DPYD: variants seen among roughly 807,000 people sequenced by gnomAD.
The protein encoded by DPYD is dihydropyrimidine dehydrogenase [NADP(+)].
DPYD carries 109 observed loss-of-function variants against 116.2 expected under a neutral mutation model. That is an observed-to-expected ratio of 0.94 (90% CI 0.80 to 1.10). DPYD has a LOEUF of 1.10. Ranked by LOEUF, DPYD falls within the 50% of genes least tolerant of loss-of-function variation. The pLI is 0.00. For missense variants in DPYD, 1,302 were observed against 1,254.5 expected (o/e 1.04, Z -0.57); for synonymous variants, 440 against 432.0 (o/e 1.02, Z -0.23).
intron 1 of DPYD, among the ~76,000 whole-genome samples, chr1:97,920,329 T>C (rs1484277434): frequency 6.6e-6 from 1 of 152,200 alleles, no homozygotes; most frequent in Non-Finnish European, 1.5e-5. Flanking sequence ...TTTTTCATGT[T>C]CTGAATACTT....
chr1:97,422,199 G>A (rs185416817), intron 14 of DPYD, among the ~76,000 whole-genome samples: 1 of 152,142 alleles, frequency 6.6e-6, no homozygotes, highest in East Asian at 1.9e-4. Flanking sequence ...TATTAATATA[G>A]GTAGCAATAT....
At chr1:97,624,230 G>C (rs1656794353) in intron 8 of DPYD, among the ~76,000 whole-genome samples, 1 of 151,962 alleles carries the variant, frequency 6.6e-6, no homozygotes, top group African/African-American at 2.4e-5. Flanking sequence ...CTGTACCTCA[G>C]ATAAGGAGTT....
chr1:97,243,844 C>T (rs1662537365), intron 18 of DPYD, among the ~76,000 whole-genome samples: 1 of 151,816 alleles, frequency 6.6e-6, no homozygotes, highest in African/African-American at 2.4e-5. Context: ...CAATAGCTAT[C>T]TTCCTTTGGT....
chr1:97,768,533 T>C (rs576531062), intron 3 of DPYD, among the ~76,000 whole-genome samples: 54 of 152,344 alleles, frequency 3.5e-4, no homozygotes, highest in African/African-American at 1.3e-3. Flanking sequence ...GTGATGATAA[T>C]GTAAGAACTT....
At chr1:97,637,338 G>T (rs983918562) in intron 8 of DPYD, among the ~76,000 whole-genome samples, 16 of 151,996 alleles carry the variant, frequency 1.1e-4, no homozygotes, top group African/African-American at 3.6e-4. Context: ...ACTAAGTTGG[G>T]TATATTAGGC....
At position 97,115,026 on chromosome 1, in the gene DPYD, A is replaced by G. The variant is rs1039766423; in HGVS notation, c.2623-16394T>C. 2.6e-5 allele frequency among the ~76,000 whole-genome samples: 4 copies of G among 152,112 alleles called. No homozygotes were observed. The East Asian group carries it at 7.7e-4, about 29-fold the overall frequency. On this transcript the variant is annotated intron_variant, in intron 20 of 22. Coordinates refer to ENST00000370192, the MANE Select transcript of DPYD (RefSeq NM_000110.4). Reference sequence around the variant, plus strand: ...GGTAATCCTTTTACCTCTTCCTTCCAAGTTTGTAATTTAAATGCACTCTAT... The same window carrying G: ...GGTAATCCTTTTACCTCTTCCTTCCGAGTTTGTAATTTAAATGCACTCTAT...
intron 3 of DPYD, among the ~76,000 whole-genome samples, chr1:97,812,539 C>T (rs1448511832): frequency 4.6e-5 from 7 of 151,912 alleles, no homozygotes; most frequent in Admixed American, 1.3e-4. Flanking sequence ...AACAGTAACA[C>T]AATAATCTAG....
chr1:97,699,139 T>G (rs900383115), intron 6 of DPYD, among the ~76,000 whole-genome samples: 2 of 152,064 alleles, frequency 1.3e-5, no homozygotes, highest in African/African-American at 4.8e-5. Context: ...TTCACAGAAC[T>G]AGAGAGAAAA....
chr1:97,773,730 A>C (rs993442526), intron 3 of DPYD, among the ~76,000 whole-genome samples: 1 of 152,192 alleles, frequency 6.6e-6, no homozygotes, highest in East Asian at 1.9e-4. Flanking sequence ...TGGTTGGAGA[A>C]GAGCCCAGCC....
intron 8 of DPYD, among the ~76,000 whole-genome samples, chr1:97,622,401 C>T (rs1234929744): frequency 6.6e-6 from 1 of 151,870 alleles, no homozygotes. Flanking sequence ...AAATACTTGA[C>T]TAGTAATCCT....
chr1:97,155,269 T>C (rs945859927), intron 20 of DPYD, among the ~76,000 whole-genome samples: 1 of 152,210 alleles, frequency 6.6e-6, no homozygotes, highest in Non-Finnish European at 1.5e-5. Flanking sequence ...GCTTTTCACA[T>C]TTCATATTTC....
intron 10 of DPYD, among the ~76,000 whole-genome samples, chr1:97,576,565 A>G (rs757985595): frequency 4.7e-4 from 72 of 152,256 alleles, no homozygotes; most frequent in Non-Finnish European, 8.8e-4. Context: ...CTATGAATTT[A>G]AAATAAAGAT....
chr1:97,156,822 G>A (rs1655496442), intron 20 of DPYD, among the ~76,000 whole-genome samples: 1 of 151,956 alleles, frequency 6.6e-6, no homozygotes, highest in African/African-American at 2.4e-5. Context: ...GCACACGTAT[G>A]TTTATTGTGG....
chr1:97,309,331 TTGTGTG>T lies in DPYD; in HGVS notation c.2059-3040_2059-3035del, dbSNP rs59669909. On this transcript the variant is annotated intron_variant, in intron 16 of 22. Transcript: ENST00000370192. ...ATCTCTGTCACAGTAGTTGCTTGTC[TTGTGTG>T]TGTGTGTGTGTGTGTGTGTGTGTGT... is the stretch of plus-strand genomic sequence containing the variant. Among the ~76,000 whole-genome samples the T allele has an allele frequency of 6.8e-3, 1,008 of 147,636 alleles. 11 individuals are homozygous for T. The highest frequency in any genetic ancestry group is 0.02 in the African/African-American group (816 of 39,968).
At chr1:97,751,446 GTGTGTGTGTGTGTGTA>G (rs1664887346) in intron 3 of DPYD, among the ~76,000 whole-genome samples, 1 of 42,950 alleles carries the variant, frequency 2.3e-5, no homozygotes, top group Non-Finnish European at 4.6e-5. Flanking sequence ...GTGTGTGTGT[GTGTGTGTGTGTGTGTA>G]TATATATATA....
chr1:97,688,569 ATT>A (rs1660858279), intron 7 of DPYD, among the ~76,000 whole-genome samples: 1 of 152,136 alleles, frequency 6.6e-6, no homozygotes, highest in Non-Finnish European at 1.5e-5. Flanking sequence ...TCAAGATAAT[ATT>A]CTTACCAATG....
intron 15 of DPYD, among the ~76,000 whole-genome samples, chr1:97,378,248 G>A (rs1671748497): frequency 6.6e-6 from 1 of 152,112 alleles, no homozygotes; most frequent in South Asian, 2.1e-4. Flanking sequence ...ATTCTGTCCT[G>A]TTACTGTCCC....
chr1:97,510,656 C>T (rs908029571), intron 13 of DPYD, among the ~76,000 whole-genome samples: 2 of 151,976 alleles, frequency 1.3e-5, no homozygotes, highest in African/African-American at 4.8e-5. Context: ...AATAATCCTT[C>T]CCTACTTCTA....
chr1:97,631,054 A>G (rs1657228028), intron 8 of DPYD, among the ~76,000 whole-genome samples: 1 of 152,152 alleles, frequency 6.6e-6, no homozygotes, highest in Admixed American at 6.6e-5. Flanking sequence ...ATAAGCACGT[A>G]ACAGGCTTCT....
Sources: allele counts gnomAD v4.1 joint callset (sites outside exome capture counted in the v4.1 genomes callset), GRCh38; gene constraint gnomAD v4.1.1; transcripts MANE v1.5; gene names NCBI Gene and HGNC (gene_info 2026-07-23, HGNC 2026-07-21).